The following CCDC102B variants were observed in gnomAD, a reference collection of about 807,000 sequenced individuals.
The protein encoded by CCDC102B is coiled-coil domain-containing protein 102B.
CCDC102B carries 75 observed loss-of-function variants against 57.4 expected under a neutral mutation model. That is an observed-to-expected ratio of 1.31 (90% CI 1.08 to 1.58). The LOEUF is 1.58. Ranked by LOEUF, CCDC102B falls within the 40% of genes most tolerant of loss-of-function variation. The probability of loss-of-function intolerance (pLI) is 0.00; values close to 1 mark genes in which losing one functional copy is unlikely to be tolerated. For missense variants in CCDC102B, 636 were observed against 582.6 expected (o/e 1.09, Z -0.94); for synonymous variants, 206 against 201.9 (o/e 1.02, Z -0.17).
intron 2 of CCDC102B, among the ~76,000 whole-genome samples, chr18:68,717,840 C>G (rs2032108695): frequency 6.6e-6 from 1 of 152,034 alleles, no homozygotes; most frequent in East Asian, 1.9e-4. Flanking sequence ...ATGTGTAACC[C>G]AAATTTCATA....
intron 7 of CCDC102B, among the ~76,000 whole-genome samples, chr18:69,015,236 A>G (rs932055499): frequency 3.9e-5 from 6 of 152,148 alleles, no homozygotes; most frequent in Admixed American, 6.6e-5. Context: ...AACACACAAA[A>G]CCTTATAATT....
intron 7 of CCDC102B, among the ~76,000 whole-genome samples, chr18:69,019,429 G>T (rs561155889): frequency 4.0e-5 from 6 of 151,702 alleles, no homozygotes; most frequent in Admixed American, 3.3e-4. Flanking sequence ...CATCTTTTTG[G>T]TTAAATTTAT....
intron 6 of CCDC102B, among the ~76,000 whole-genome samples, chr18:69,009,763 A>G (rs929192113): frequency 6.6e-6 from 1 of 151,798 alleles, no homozygotes; most frequent in African/African-American, 2.4e-5. Flanking sequence ...TAAGAAAATT[A>G]CCAATGCATT....
chr18:68,746,426 A>C (rs576749403), intron 2 of CCDC102B, among the ~76,000 whole-genome samples: 1 of 152,308 alleles, frequency 6.6e-6, no homozygotes, highest in South Asian at 2.1e-4. Flanking sequence ...ATAAATCTTA[A>C]ACAGGTTGCT....
chr18:69,005,670 A>G (rs926963855), intron 6 of CCDC102B, among the ~76,000 whole-genome samples: 11 of 151,746 alleles, frequency 7.2e-5, no homozygotes, highest in Admixed American at 5.9e-4. Flanking sequence ...GATAGAGAGC[A>G]ATATCCTTAC....
At chr18:68,751,678 A>C (rs1163357352) in intron 2 of CCDC102B, among the ~76,000 whole-genome samples, 6 of 152,160 alleles carry the variant, frequency 3.9e-5, no homozygotes, top group African/African-American at 1.4e-4. Context: ...TAATTTGGAG[A>C]TTATAAATAC....
At chr18:68,879,063 G>A (rs544526846) in intron 5 of CCDC102B, among the ~76,000 whole-genome samples, 15 of 152,108 alleles carry the variant, frequency 9.9e-5, no homozygotes, top group Non-Finnish European at 1.8e-4. Context: ...AGACCTTCGC[G>A]GTGAGTGTTA....
intron 7 of CCDC102B, among the ~76,000 whole-genome samples, chr18:69,043,291 G>A (rs1022083242): frequency 7.9e-5 from 12 of 152,036 alleles, no homozygotes; most frequent in Non-Finnish European, 4.4e-5. Flanking sequence ...GGTTTTATAC[G>A]GAGACATTCC....
chr18:68,918,628 A>T (rs62095001), intron 6 of CCDC102B, among the ~76,000 whole-genome samples: 2 of 152,030 alleles, frequency 1.3e-5, no homozygotes, highest in Admixed American at 6.5e-5. Flanking sequence ...AAAGAGAGAG[A>T]GGGAACATGT....
At chr18:68,744,680 G>A (rs564809567) in intron 2 of CCDC102B, among the ~76,000 whole-genome samples, 6 of 152,076 alleles carry the variant, frequency 3.9e-5, no homozygotes, top group African/African-American at 1.2e-4. Context: ...GCATGAAGAC[G>A]CCTCTCAATG....
chr18:69,029,465 C>T (rs1052321394), intron 7 of CCDC102B, among the ~76,000 whole-genome samples: 1 of 151,158 alleles, frequency 6.6e-6, no homozygotes, highest in African/African-American at 2.4e-5. Flanking sequence ...TATATGTAAA[C>T]TATATCCCAT....
At chr18:68,955,929 CTT>C (rs1187017397) in intron 6 of CCDC102B, among the ~76,000 whole-genome samples, 1 of 151,970 alleles carries the variant, frequency 6.6e-6, no homozygotes, top group African/African-American at 2.4e-5. Flanking sequence ...CAATTACACT[CTT>C]TTAGTTATTT....
intron 7 of CCDC102B, among the ~76,000 whole-genome samples, chr18:69,040,511 A>C (rs1342499272): frequency 6.6e-6 from 1 of 151,680 alleles, no homozygotes; most frequent in African/African-American, 2.4e-5. Flanking sequence ...ATGTCAGTTT[A>C]GTCAATAACA....
At chr18:68,777,739 A>G (rs970380950) in intron 2 of CCDC102B, among the ~76,000 whole-genome samples, 4 of 152,178 alleles carry the variant, frequency 2.6e-5, no homozygotes, top group African/African-American at 9.6e-5. Flanking sequence ...TTAAAGAGTA[A>G]CTCGAAGAGA....
chr18:69,012,163 A>G (rs1195777761), intron 7 of CCDC102B, among the ~76,000 whole-genome samples: 2 of 152,238 alleles, frequency 1.3e-5, no homozygotes, highest in East Asian at 1.9e-4. Flanking sequence ...GTGGAAGAGT[A>G]AGTTGGAAGG....
At chr18:68,959,087 A>G (rs1018517682) in intron 6 of CCDC102B, among the ~76,000 whole-genome samples, 1 of 152,064 alleles carries the variant, frequency 6.6e-6, no homozygotes, top group Admixed American at 6.6e-5. Flanking sequence ...TGGGCATTTA[A>G]GAGTTATTTA....
intron 6 of CCDC102B, among the ~76,000 whole-genome samples, chr18:68,952,029 A>G (rs969981344): frequency 6.6e-6 from 1 of 152,178 alleles, no homozygotes; most frequent in Admixed American, 6.6e-5. Flanking sequence ...ATAAAATTGT[A>G]CTGCATTCCA....
At chr18:68,887,244 G>A (rs181520459) in intron 5 of CCDC102B, among the ~76,000 whole-genome samples, 4 of 152,204 alleles carry the variant, frequency 2.6e-5, no homozygotes, top group Non-Finnish European at 4.4e-5. Context: ...AATTTGGAGC[G>A]CAGCAGTGAG....
intron 3 of CCDC102B, among the ~76,000 whole-genome samples, chr18:68,844,773 G>A (rs1893438): frequency 0.61 from 92,841 of 151,470 alleles, 28,720 homozygotes; most frequent in African/African-American, 0.66. Context: ...CATCTCAAAC[G>A]CAAGTAGTAA....
Sources: gnomAD v4.1 joint callset for allele counts (sites outside exome capture counted in the v4.1 genomes callset) on GRCh38, gnomAD v4.1.1 for gene constraint, MANE v1.5 for transcripts, NCBI Gene and HGNC (gene_info 2026-07-23, HGNC 2026-07-21) for gene names.